CRB1: variants seen among roughly 807,000 people sequenced by gnomAD.
CRB1 encodes crumbs cell polarity complex component 1.
CRB1 carries 83 observed loss-of-function variants against 120.0 expected under a neutral mutation model. The observed-to-expected ratio is 0.69, with a 90% confidence interval of 0.58 to 0.83. The LOEUF (loss-of-function observed/expected upper bound fraction) is 0.83. CRB1 is among the 40% of genes least tolerant of loss of function. The pLI is 0.00. For synonymous variants in CRB1, 625 were observed against 612.5 expected (o/e 1.02, Z -0.30); for missense variants, 1,699 against 1,687.6 (o/e 1.01, Z -0.12).
chr1:197,312,542 A>T (rs1426888382), intron 1 of CRB1, among the ~76,000 whole-genome samples: 1 of 152,218 alleles, frequency 6.6e-6, no homozygotes, highest in Non-Finnish European at 1.5e-5. Flanking sequence ...AGATGGCACC[A>T]CTGCACTCCA....
chr1:197,273,371 T>C (rs1655012418), intron 1 of CRB1, among the ~76,000 whole-genome samples: 1 of 152,126 alleles, frequency 6.6e-6, no homozygotes, highest in Non-Finnish European at 1.5e-5. Flanking sequence ...TGACTGCTGA[T>C]ATTGACCTTA....
upstream of CRB1, among the ~76,000 whole-genome samples, chr1:197,264,092 C>G (rs1406025383): frequency 6.6e-6 from 1 of 152,132 alleles, no homozygotes; most frequent in Non-Finnish European, 1.5e-5. Context: ...ACATTATACC[C>G]ATTAAGTAAC....
intron 2 of CRB1, among the ~76,000 whole-genome samples, chr1:197,338,762 CAA>C (rs1195566753): frequency 1.3e-5 from 2 of 151,834 alleles, no homozygotes; most frequent in Non-Finnish European, 2.9e-5. Context: ...AAAATATAAT[CAA>C]ATAGTTAAAT....
intron 1 of CRB1, among the ~76,000 whole-genome samples, chr1:197,309,076 A>G (rs1280176970): frequency 6.6e-6 from 1 of 151,828 alleles, no homozygotes; most frequent in African/African-American, 2.4e-5. Context: ...ACTGTAAATC[A>G]TATATACACA....
At position 197,427,867 on chromosome 1, in the gene CRB1, T is replaced by C; in HGVS notation, c.2542T>C (p.Phe848Leu). 6.2e-7 allele frequency: 1 copy of C among 1,614,070 alleles called. No homozygotes were observed. The highest frequency in any genetic ancestry group is 8.5e-7 in the Non-Finnish European group (1 of 1,179,966). ...KQETELNGGF[F>L]KGCIQDVRLN... ...AGAGACTGAACTTAATGGTGGATTCTTCAAAGGCTGTATCCAAGATGTAAG... is the reference window on the plus strand; with the variant it reads ...AGAGACTGAACTTAATGGTGGATTCCTCAAAGGCTGTATCCAAGATGTAAG... Residue 848 changes from phenylalanine to leucine, a missense_variant, in exon 7 of 12, where the codon TTC becomes CTC. Coordinates refer to ENST00000367400, the MANE Select transcript of CRB1 (RefSeq NM_201253.3).
At chr1:197,402,932 C>G (rs1663142689) in intron 5 of CRB1, among the ~76,000 whole-genome samples, 1 of 152,142 alleles carries the variant, frequency 6.6e-6, no homozygotes, top group South Asian at 2.1e-4. Flanking sequence ...TTTTACACTG[C>G]ATCCTTTTCT....
At chr1:197,273,068 C>CAAAA (rs553298334) in intron 1 of CRB1, among the ~76,000 whole-genome samples, 88 of 152,096 alleles carry the variant, frequency 5.8e-4, no homozygotes, top group African/African-American at 2.1e-3. Flanking sequence ...ACATGCTTTC[C>CAAAA]CTGTTCTAGT....
the CRB1 span, among the ~76,000 whole-genome samples, chr1:197,254,154 G>A: frequency 3.3e-5 from 5 of 152,038 alleles, no homozygotes; most frequent in Middle Eastern, 3.4e-3. Context: ...GAAAGCCACC[G>A]CACTTGTATT....
At position 197,396,947 on chromosome 1, in the gene CRB1, G is replaced by A. The variant is rs923784720; in HGVS notation, c.1172-24053G>A. The stretch of plus-strand genomic sequence containing the variant: ...ATGATATAAGGGAATCTGATAAATT[G>A]CACTTCACCAAAATTAAAAGTTTCA... On this transcript the variant is annotated intron_variant, in intron 5 of 11. Transcript: ENST00000367400. Among the ~76,000 whole-genome samples, 7 of 151,904 alleles carry A rather than the reference G, an allele frequency of 4.6e-5. No individual in the cohort carries two copies. In the East Asian group the frequency reaches 1.3e-3, roughly 29 times the overall value.
chr1:197,347,286 T>C lies in CRB1; in HGVS notation c.849-54T>C, dbSNP rs1431589352. The C allele has an allele frequency of 6.7e-6, 10 of 1,495,780 alleles. No individual in the cohort carries two copies. In the Admixed American group the frequency reaches 1.7e-4, roughly 25 times the overall value. 92.7% of individuals were successfully genotyped at this position (1,495,780 alleles called of 1,614,324 possible). On this transcript the variant is annotated intron_variant, in intron 3 of 11. Transcript: ENST00000367400. ...GACAGTTGAAGAAACAGTATAAAGA[T>C]ATCTGATCTCAATATGACTAAGAGT...
chr1:197,393,705 A>G (rs905338232), intron 5 of CRB1, among the ~76,000 whole-genome samples: 1 of 152,158 alleles, frequency 6.6e-6, no homozygotes, highest in South Asian at 2.1e-4. Flanking sequence ...GATGTAATTT[A>G]CATATTATTC....
At chr1:197,236,131 G>T in the CRB1 span, among the ~76,000 whole-genome samples, 1 of 151,746 alleles carries the variant, frequency 6.6e-6, no homozygotes, top group Non-Finnish European at 1.5e-5. Flanking sequence ...TACATATTGT[G>T]GGGTGAACTT....
chr1:197,208,110 T>A, the CRB1 span, among the ~76,000 whole-genome samples: 6 of 152,098 alleles, frequency 3.9e-5, no homozygotes, highest in African/African-American at 1.4e-4. Context: ...CACTGAAGAT[T>A]GTTCCCTTCA....
chr1:197,447,138 A>G (rs1364183363), intron 11 of CRB1, among the ~76,000 whole-genome samples: 1 of 152,198 alleles, frequency 6.6e-6, no homozygotes, highest in East Asian at 1.9e-4. Flanking sequence ...TCAGGGTCTC[A>G]CAAGACAGCA....
intron 2 of CRB1, among the ~76,000 whole-genome samples, chr1:197,342,328 A>G (rs951454388): frequency 3.9e-5 from 6 of 151,968 alleles, no homozygotes; most frequent in African/African-American, 1.4e-4. Flanking sequence ...CTCCTTCTCT[A>G]TCTTGACATC....
intron 1 of CRB1, among the ~76,000 whole-genome samples, chr1:197,323,455 T>A (rs1337466800): frequency 1.3e-5 from 2 of 152,224 alleles, no homozygotes; most frequent in African/African-American, 4.8e-5. Flanking sequence ...TGTGAGAATT[T>A]CAATTTGCTA....
chr1:197,217,120 G>A, the CRB1 span, among the ~76,000 whole-genome samples: 26 of 152,052 alleles, frequency 1.7e-4, no homozygotes, highest in African/African-American at 5.5e-4. Context: ...GCCAATAAAC[G>A]CATGAAAAGA....
At chr1:197,215,709 TGAA>T in the CRB1 span, among the ~76,000 whole-genome samples, 2 of 152,208 alleles carry the variant, frequency 1.3e-5, no homozygotes, top group African/African-American at 2.4e-5. Flanking sequence ...TGCCACCATG[TGAA>T]GAAGAACGTG....
At chr1:197,266,119 CT>C (rs931574146), upstream of CRB1, among the ~76,000 whole-genome samples, 1 of 152,082 alleles carries the variant, frequency 6.6e-6, no homozygotes, top group Non-Finnish European at 1.5e-5. Context: ...TATACATATC[CT>C]TTTTCTGTAA....
Sources: gnomAD v4.1 joint callset for allele counts (sites outside exome capture counted in the v4.1 genomes callset) on GRCh38, gnomAD v4.1.1 for gene constraint, MANE v1.5 for transcripts, NCBI Gene and HGNC (gene_info 2026-07-23, HGNC 2026-07-21) for gene names.